Variants in NSMCE2 observed in about 807,000 individuals in gnomAD.
The protein encoded by NSMCE2 is E3 SUMO-protein ligase NSE2.
NSMCE2 carries 24 observed loss-of-function variants against 23.8 expected under a neutral mutation model. That is an observed-to-expected ratio of 1.01 (90% CI 0.73 to 1.42). NSMCE2 has a LOEUF of 1.42. NSMCE2 is among the 40% of genes most tolerant of loss of function. The pLI is 0.00. For missense variants in NSMCE2, 284 were observed against 296.5 expected (o/e 0.96, Z 0.31); for synonymous variants, 92 against 94.1 (o/e 0.98, Z 0.13).
chr8:125,173,148 G>C (rs531054798), intron 4 of NSMCE2, among the ~76,000 whole-genome samples: 119 of 152,206 alleles, frequency 7.8e-4, no homozygotes, highest in African/African-American at 2.6e-3. Flanking sequence ...TTTTGTCCCT[G>C]TTCTGTGTCA....
chr8:125,092,260 A>G (rs545216820), intron 1 of NSMCE2, among the ~76,000 whole-genome samples: 21 of 152,206 alleles, frequency 1.4e-4, no homozygotes, highest in Admixed American at 3.9e-4. Flanking sequence ...CTGGACCTCA[A>G]TTTCCTCTTC....
chr8:125,177,035 G>A (rs1000305170), intron 4 of NSMCE2, among the ~76,000 whole-genome samples: 1 of 152,166 alleles, frequency 6.6e-6, no homozygotes, highest in Non-Finnish European at 1.5e-5. Flanking sequence ...GTACTGGAAT[G>A]GTTTTCTCAA....
Position 125,298,008 on chromosome 8 carries a change from C to T in NSMCE2, c.419-59211C>T, listed in dbSNP as rs142576906. Among the ~76,000 whole-genome samples, 296 of 152,272 alleles carry T rather than the reference C, an allele frequency of 1.9e-3. 3 individuals carry two copies. Among genetic ancestry groups the T allele is most frequent in the East Asian group, 6.0e-3 (31 of 5,182 alleles). The stretch of plus-strand genomic sequence containing the variant: ...GGCACAGTGGTGCAATGCCTGTAAT[C>T]CCAGCACATTGGGAGGCTTAGGCAG... On this transcript the variant is annotated intron_variant, in intron 5 of 7. Transcript: ENST00000287437.
intron 4 of NSMCE2, among the ~76,000 whole-genome samples, chr8:125,177,537 G>A (rs372704621): frequency 1.4e-4 from 21 of 152,056 alleles, no homozygotes; most frequent in African/African-American, 4.8e-4. Context: ...TAATTTACTC[G>A]TTCACCCACA....
chr8:125,289,724 C>T (rs1214611578), intron 5 of NSMCE2, among the ~76,000 whole-genome samples: 1 of 152,144 alleles, frequency 6.6e-6, no homozygotes, highest in African/African-American at 2.4e-5. Context: ...CCACCTACCT[C>T]GAATTTAAAG....
At chr8:125,247,282 G>A (rs554358190) in intron 5 of NSMCE2, among the ~76,000 whole-genome samples, 64 of 152,074 alleles carry the variant, frequency 4.2e-4, no homozygotes, top group African/African-American at 1.4e-3. Flanking sequence ...GCAGTGAGCC[G>A]TGTTCATGCC....
At chr8:125,148,962 C>T (rs1820832107) in intron 3 of NSMCE2, among the ~76,000 whole-genome samples, 1 of 152,078 alleles carries the variant, frequency 6.6e-6, no homozygotes, top group South Asian at 2.1e-4. Context: ...TGATTTTTAA[C>T]AAATGGTTGC....
rs1813288619 is a variant in NSMCE2 at position 125,356,478 on chromosome 8, G to A, written c.419-741G>A. 3.9e-5 allele frequency among the ~76,000 whole-genome samples: 6 copies of A among 151,938 alleles called. No individual in the cohort carries two copies. In the South Asian group the frequency reaches 1.0e-3, roughly 26 times the overall value. On this transcript the variant is annotated intron_variant, in intron 5 of 7. Transcript: ENST00000287437. ...CAAATAGCTGGGACTACAGGCACAT[G>A]CCACCATGCCCAGCTAATTTTTGTA...
At chr8:125,335,341 C>T (rs1025578297) in intron 5 of NSMCE2, among the ~76,000 whole-genome samples, 1 of 152,150 alleles carries the variant, frequency 6.6e-6, no homozygotes, top group Non-Finnish European at 1.5e-5. Flanking sequence ...AACAGCCCTA[C>T]CAGACAGGTA....
chr8:125,295,536 C>G (rs1476988157), intron 5 of NSMCE2, among the ~76,000 whole-genome samples: 2 of 152,156 alleles, frequency 1.3e-5, no homozygotes, highest in Admixed American at 6.5e-5. Context: ...GGTCGGAATT[C>G]TCTTCATTGG....
intron 5 of NSMCE2, among the ~76,000 whole-genome samples, chr8:125,247,925 C>T (rs1008312412): frequency 6.6e-6 from 1 of 152,072 alleles, no homozygotes; most frequent in African/African-American, 2.4e-5. Flanking sequence ...CCTTGTGAAA[C>T]TTAAGTTCCA....
At chr8:125,126,565 A>G (rs1307438615) in intron 3 of NSMCE2, among the ~76,000 whole-genome samples, 2 of 152,134 alleles carry the variant, frequency 1.3e-5, no homozygotes, top group African/African-American at 4.8e-5. Context: ...AAGATGTAGT[A>G]CCTTACTTGA....
chr8:125,316,647 T>TTTCCTTCTTTCCTTCC (rs1283877561), intron 5 of NSMCE2, among the ~76,000 whole-genome samples: 33 of 63,436 alleles, frequency 5.2e-4, no homozygotes, highest in African/African-American at 1.1e-3. Flanking sequence ...TATTTCCTTC[T>TTTCCTTCTTTCCTTCC]TTCCTTCTTT....
At chr8:125,229,162 C>A (rs188469557) in intron 5 of NSMCE2, among the ~76,000 whole-genome samples, 1 of 152,196 alleles carries the variant, frequency 6.6e-6, no homozygotes, top group African/African-American at 2.4e-5. Context: ...TAGAAGACCA[C>A]AACAGAAGTC....
At chr8:125,243,123 CA>C (rs1825821726) in intron 5 of NSMCE2, among the ~76,000 whole-genome samples, 1 of 152,230 alleles carries the variant, frequency 6.6e-6, no homozygotes, top group South Asian at 2.1e-4. Context: ...GACATTGGCT[CA>C]CCCCTGAAAA....
At chr8:125,190,306 C>A (rs939767280) in intron 5 of NSMCE2, among the ~76,000 whole-genome samples, 2 of 152,184 alleles carry the variant, frequency 1.3e-5, no homozygotes, top group South Asian at 4.1e-4. Flanking sequence ...TACATCATTG[C>A]AGCTGAAGAG....
intron 5 of NSMCE2, among the ~76,000 whole-genome samples, chr8:125,321,880 G>A (rs1309919958): frequency 4.6e-5 from 7 of 152,112 alleles, no homozygotes; most frequent in African/African-American, 7.2e-5. Flanking sequence ...TTAAACTTTA[G>A]CCATCCTAAT....
At chr8:125,215,012 CTTTAT>C (rs760354733) in intron 5 of NSMCE2, among the ~76,000 whole-genome samples, 1,344 of 132,002 alleles carry the variant, frequency 0.01, 6 homozygotes, top group Non-Finnish European at 0.015. Context: ...TTGGTAACCA[CTTTAT>C]TTTATTTTAT....
chr8:125,265,893 CT>C (rs1242604089), intron 5 of NSMCE2, among the ~76,000 whole-genome samples: 2 of 151,924 alleles, frequency 1.3e-5, no homozygotes, highest in Non-Finnish European at 2.9e-5. Context: ...CCTTTCTGTA[CT>C]TTTTTTTCCT....
Sources: gnomAD v4.1 joint callset for allele counts (sites outside exome capture counted in the v4.1 genomes callset) on GRCh38, gnomAD v4.1.1 for gene constraint, MANE v1.5 for transcripts, NCBI Gene and HGNC (gene_info 2026-07-23, HGNC 2026-07-21) for gene names.